Variants in DOK6 observed in about 807,000 individuals in gnomAD.
The protein encoded by DOK6 is downstream of tyrosine kinase 6.
A neutral mutation model predicts 44.0 loss-of-function variants in DOK6; 22 were observed. The observed-to-expected ratio is 0.50, with a 90% CI of 0.36 to 0.71. The LOEUF is 0.71. Ranked by LOEUF, DOK6 falls within the 30% of genes least tolerant of loss-of-function variation. DOK6 has a pLI of 0.00. For synonymous variants in DOK6, 166 were observed against 145.5 expected, an observed-to-expected ratio of 1.14 and a Z score of -1.01; for missense variants, 340 against 416.4, an observed-to-expected ratio of 0.82 and a Z score of 1.60.
At position 69,619,174 on chromosome 18, in the gene DOK6, C is replaced by A. The variant is rs143050736; in HGVS notation, c.289+19676C>A. ...TGGACCTGGGAGCCTGGGCTCACCC[C>A]AGAAGAACGTGGAACGCAATACTCA... On this transcript the variant is annotated intron_variant, in intron 3 of 7. Transcript: ENST00000382713. 2.2e-3 allele frequency among the ~76,000 whole-genome samples: 339 copies of A among 152,260 alleles called. 2 individuals are homozygous for A. Among genetic ancestry groups the A allele is most frequent in the African/African-American group, 7.8e-3 (325 of 41,552 alleles).
At chr18:69,619,319 G>A (rs1984385898) in intron 3 of DOK6, among the ~76,000 whole-genome samples, 1 of 152,202 alleles carries the variant, frequency 6.6e-6, no homozygotes, top group Non-Finnish European at 1.5e-5. Context: ...CCAAATGCCA[G>A]CAGAGCAAAA....
rs981333431 is a variant in DOK6, at chr18:69,401,103, G to T, written c.-142G>T. On this transcript the variant is annotated 5_prime_UTR_variant, in exon 1 of 8. Coordinates refer to ENST00000382713, the MANE Select transcript of DOK6 (RefSeq NM_152721.6). Reference sequence around the variant, plus strand: ...CAGGCGACCCCGCGTCCCCACCGGCGGGAGCTCGGGGAAGAGCGGGCGGCG... The same window carrying T: ...CAGGCGACCCCGCGTCCCCACCGGCTGGAGCTCGGGGAAGAGCGGGCGGCG... The T allele has an allele frequency of 4.0e-6, 3 of 755,936 alleles. No individual in the cohort carries two copies. Among genetic ancestry groups the T allele is most frequent in the Non-Finnish European group, 5.4e-6 (3 of 558,522 alleles). 46.8% of individuals were successfully genotyped at this position (755,936 alleles called of 1,614,324 possible).
intron 5 of DOK6, among the ~76,000 whole-genome samples, chr18:69,725,168 G>A (rs1029484925): frequency 7.2e-5 from 11 of 152,174 alleles, no homozygotes; most frequent in Admixed American, 2.6e-4. Flanking sequence ...TCTGGAGGTG[G>A]TAGACAGAGG....
chr18:69,770,333 C>G (rs988706389), intron 7 of DOK6, among the ~76,000 whole-genome samples: 1 of 152,088 alleles, frequency 6.6e-6, no homozygotes, highest in Non-Finnish European at 1.5e-5. Flanking sequence ...TAGATTGTCA[C>G]TTGGATAGGA....
In DOK6 at chr18:69,589,426, G is replaced by C. The variant is rs561606844; in HGVS notation, c.175-9958G>C. ...TAAGAATTATTAGTAAGATTAGTAT[G>C]AAAGAATAGTAAAATTTATGTTCTA... On this transcript the variant is annotated intron_variant, in intron 2 of 7. Coordinates refer to ENST00000382713, the MANE Select transcript of DOK6 (RefSeq NM_152721.6). Among the ~76,000 whole-genome samples, 16 of 151,742 alleles carry C rather than the reference G, an allele frequency of 1.1e-4. No homozygotes were observed. The South Asian group carries it at 2.7e-3, about 26-fold the overall frequency.
intron 5 of DOK6, among the ~76,000 whole-genome samples, chr18:69,701,104 G>A (rs1986508511): frequency 6.6e-6 from 1 of 152,138 alleles, no homozygotes; most frequent in African/African-American, 2.4e-5. Context: ...AAACTGACAT[G>A]TAGACATGAA....
At chr18:69,471,585 G>GTTTTTTTTTTTTTT in intron 1 of DOK6, 1 of 143,914 alleles carries the variant, frequency 6.9e-6, no homozygotes. Context: ...GGGTTTTTTT[G>GTTTTTTTTTTTTTT]TTTTTTTTTT....
At chr18:69,523,424 G>A (rs1981742071) in intron 1 of DOK6, among the ~76,000 whole-genome samples, 1 of 151,948 alleles carries the variant, frequency 6.6e-6, no homozygotes, top group Admixed American at 6.6e-5. Context: ...TTAAACAATA[G>A]CTATAACATA....
intron 5 of DOK6, among the ~76,000 whole-genome samples, chr18:69,737,396 A>C (rs1393954055): frequency 6.6e-6 from 1 of 152,126 alleles, no homozygotes; most frequent in East Asian, 1.9e-4. Flanking sequence ...ATATCAGGAG[A>C]GCAGCATGGG....
At chr18:69,746,899 G>T (rs1452514255) in intron 6 of DOK6, among the ~76,000 whole-genome samples, 4 of 152,238 alleles carry the variant, frequency 2.6e-5, no homozygotes, top group Non-Finnish European at 5.9e-5. Context: ...TTACCCAATT[G>T]GTGTAATTCT....
intron 3 of DOK6, among the ~76,000 whole-genome samples, chr18:69,635,331 A>G (rs1239655240): frequency 6.6e-6 from 1 of 152,132 alleles, no homozygotes; most frequent in Non-Finnish European, 1.5e-5. Flanking sequence ...GGCATTTTAC[A>G]AGACAACTGT....
chr18:69,401,915 G>C (rs1211333688), intron 1 of DOK6, among the ~76,000 whole-genome samples: 1 of 152,290 alleles, frequency 6.6e-6, no homozygotes, highest in East Asian at 1.9e-4. Context: ...GCCCGCCCGC[G>C]GTCACTGCTC....
At chr18:69,624,284 T>C (rs569492606) in intron 3 of DOK6, among the ~76,000 whole-genome samples, 31 of 152,300 alleles carry the variant, frequency 2.0e-4, no homozygotes, top group African/African-American at 7.0e-4. Flanking sequence ...CAAATAGATT[T>C]AGTAAATCAT....
rs1300493797 is a variant in DOK6, at chr18:69,808,133, CAA to C, written c.857-33110_857-33109del. ...ATGGTATAAAACTATAAATTAATAA[CAA>C]GAGGAATTTTAGAAAATTCACAAAT... On this transcript the variant is annotated intron_variant, in intron 7 of 7. Coordinates refer to ENST00000382713, the MANE Select transcript of DOK6 (RefSeq NM_152721.6). Among the ~76,000 whole-genome samples, 6 of 151,788 alleles carry C rather than the reference CAA, an allele frequency of 4.0e-5. No homozygotes were observed. In the East Asian group the frequency reaches 9.7e-4, roughly 24 times the overall value.
intron 2 of DOK6, among the ~76,000 whole-genome samples, chr18:69,581,158 C>T (rs1983359936): frequency 6.6e-6 from 1 of 152,158 alleles, no homozygotes; most frequent in Non-Finnish European, 1.5e-5. Context: ...ATGACATGAC[C>T]TAACTTAAGG....
intron 1 of DOK6, among the ~76,000 whole-genome samples, chr18:69,428,580 A>G (rs988851158): frequency 6.6e-6 from 1 of 152,126 alleles, no homozygotes; most frequent in Non-Finnish European, 1.5e-5. Context: ...GAGCTTCCTC[A>G]TGAAAAATTA....
At chr18:69,692,298 G>A (rs1463936573) in intron 4 of DOK6, among the ~76,000 whole-genome samples, 1 of 152,172 alleles carries the variant, frequency 6.6e-6, no homozygotes, top group Non-Finnish European at 1.5e-5. Flanking sequence ...TATCCTTATG[G>A]GCAATAGTGA....
At chr18:69,447,367 A>G (rs1979326122) in intron 1 of DOK6, among the ~76,000 whole-genome samples, 1 of 151,930 alleles carries the variant, frequency 6.6e-6, no homozygotes, top group African/African-American at 2.4e-5. Context: ...ATGGTTGTAG[A>G]TGTGTGGAGT....
At position 69,790,541 on chromosome 18, in the gene DOK6, TTAAAA is replaced by T. The variant is rs146593328; in HGVS notation, c.856+32671_856+32675del. ...GCGCTAAGTAAGAATTTTTATATTCTTAAAATAGTATATGGACAATATTAAGATCT... is the reference window on the plus strand; with the variant it reads ...GCGCTAAGTAAGAATTTTTATATTCTTAGTATATGGACAATATTAAGATCT... On this transcript the variant is annotated intron_variant, in intron 7 of 7. Transcript: ENST00000382713. Among the ~76,000 whole-genome samples the T allele has an allele frequency of 4.5e-3, 689 of 152,344 alleles. 2 individuals carry two copies. The highest frequency in any genetic ancestry group is 6.9e-3 in the Admixed American group (105 of 15,290).
Sources: allele counts gnomAD v4.1 joint callset (sites outside exome capture counted in the v4.1 genomes callset), GRCh38; gene constraint gnomAD v4.1.1; transcripts MANE v1.5; gene names NCBI Gene and HGNC (gene_info 2026-07-23, HGNC 2026-07-21).